Variants in CREB5 observed in about 807,000 individuals in gnomAD.
The protein encoded by CREB5 is cAMP responsive element binding protein 5, also known as cyclic AMP-responsive element-binding protein 5.
Under a neutral mutation model 57.1 loss-of-function variants are expected in CREB5, and 19 were observed. That is an observed-to-expected ratio of 0.33 (90% CI 0.23 to 0.49). The LOEUF (loss-of-function observed/expected upper bound fraction) is 0.49. CREB5 is among the 20% of genes least tolerant of loss of function. The pLI, the probability that CREB5 is intolerant of heterozygous loss-of-function variation, is 0.99. For synonymous variants in CREB5, 238 were observed against 238.3 expected (o/e 1.00, Z 0.01); for missense variants, 579 against 671.6 (o/e 0.86, Z 1.52).
intron 5 of CREB5, among the ~76,000 whole-genome samples, chr7:28,659,877 G>T (rs1187864713): frequency 6.6e-6 from 1 of 152,044 alleles, no homozygotes; most frequent in East Asian, 1.9e-4. Flanking sequence ...AATGACAGTG[G>T]TATCATTATT....
chr7:28,700,264 G>A (rs1443226708), intron 5 of CREB5, among the ~76,000 whole-genome samples: 1 of 152,008 alleles, frequency 6.6e-6, no homozygotes, highest in East Asian at 1.9e-4. Context: ...ATGTTCCCAC[G>A]ATGCAGGGCT....
chr7:28,803,756 A>C (rs1480387232), intron 7 of CREB5, among the ~76,000 whole-genome samples: 2 of 31,420 alleles, frequency 6.4e-5, no homozygotes, highest in Non-Finnish European at 9.8e-5. Flanking sequence ...ACTCCATCTC[A>C]AAAAAAAAAA....
At chr7:28,556,986 C>G (rs1794905470) in intron 4 of CREB5, among the ~76,000 whole-genome samples, 1 of 152,228 alleles carries the variant, frequency 6.6e-6, no homozygotes, top group Non-Finnish European at 1.5e-5. Flanking sequence ...TCTCCTGAGT[C>G]CTGGTAACTT....
At chr7:28,480,665 C>T (rs760174951) in intron 1 of CREB5, among the ~76,000 whole-genome samples, 27 of 152,184 alleles carry the variant, frequency 1.8e-4, no homozygotes, top group Non-Finnish European at 3.5e-4. Context: ...AATCTCTACA[C>T]TTGTATTTTG....
chr7:28,630,143 G>A (rs1015835448), intron 5 of CREB5, among the ~76,000 whole-genome samples: 1 of 152,176 alleles, frequency 6.6e-6, no homozygotes, highest in Non-Finnish European at 1.5e-5. Context: ...TACTTCTATG[G>A]AGCCAGTTAC....
chr7:28,606,251 A>G (rs1052392116), intron 5 of CREB5, among the ~76,000 whole-genome samples: 4 of 152,144 alleles, frequency 2.6e-5, no homozygotes, highest in Non-Finnish European at 5.9e-5. Flanking sequence ...CTACTTAACT[A>G]GAGTTGTTTG....
At chr7:28,347,646 G>C (rs1786088995) in intron 1 of CREB5, among the ~76,000 whole-genome samples, 1 of 152,092 alleles carries the variant, frequency 6.6e-6, no homozygotes, top group African/African-American at 2.4e-5. Flanking sequence ...CCACCCCAGA[G>C]TGTCCAGGTT....
intron 1 of CREB5, among the ~76,000 whole-genome samples, chr7:28,339,806 T>A (rs1432109271): frequency 6.6e-6 from 1 of 152,150 alleles, no homozygotes; most frequent in Non-Finnish European, 1.5e-5. Flanking sequence ...GAAATTTACC[T>A]GGTGTTCTAT....
chr7:28,776,947 T>A (rs184104029), intron 7 of CREB5, among the ~76,000 whole-genome samples: 49 of 152,360 alleles, frequency 3.2e-4, no homozygotes, highest in African/African-American at 1.1e-3. Context: ...CATTCATCAA[T>A]TAATGAACAT....
intron 5 of CREB5, among the ~76,000 whole-genome samples, chr7:28,637,287 C>T (rs1798460184): frequency 6.6e-6 from 1 of 152,088 alleles, no homozygotes; most frequent in Non-Finnish European, 1.5e-5. Context: ...AATTTCTATT[C>T]AATCATTCAT....
chr7:28,693,578 A>G (rs1047913902), intron 5 of CREB5, among the ~76,000 whole-genome samples: 10 of 152,088 alleles, frequency 6.6e-5, no homozygotes, highest in African/African-American at 1.7e-4. Flanking sequence ...AGAGAGGGGA[A>G]GCCTAATTAC....
intron 5 of CREB5, among the ~76,000 whole-genome samples, chr7:28,643,001 C>CACAA (rs1798739278): frequency 7.2e-6 from 1 of 139,248 alleles, no homozygotes; most frequent in Admixed American, 7.0e-5. Context: ...CACACACACA[C>CACAA]ACACACACAC....
At chr7:28,678,270 C>T (rs1163496344) in intron 5 of CREB5, among the ~76,000 whole-genome samples, 1 of 151,848 alleles carries the variant, frequency 6.6e-6, no homozygotes, top group African/African-American at 2.4e-5. Flanking sequence ...CGCCTGTAGC[C>T]CCAGGCACTT....
chr7:28,314,905 A>C (rs1785347408), intron 1 of CREB5, among the ~76,000 whole-genome samples: 1 of 152,248 alleles, frequency 6.6e-6, no homozygotes, highest in Admixed American at 6.5e-5. Flanking sequence ...AGAAAGCCTA[A>C]CAGTAGAGAA....
intron 5 of CREB5, among the ~76,000 whole-genome samples, chr7:28,713,511 T>C (rs1802514613): frequency 6.6e-6 from 1 of 152,242 alleles, no homozygotes; most frequent in African/African-American, 2.4e-5. Flanking sequence ...ATGTTTTAAA[T>C]GCAGTTTTGA....
At chr7:28,397,737 A>C (rs1328952688) in intron 1 of CREB5, among the ~76,000 whole-genome samples, 1 of 152,108 alleles carries the variant, frequency 6.6e-6, no homozygotes, top group Non-Finnish European at 1.5e-5. Flanking sequence ...CAACACCTAA[A>C]CGTGATGACT....
intron 1 of CREB5, among the ~76,000 whole-genome samples, chr7:28,474,490 T>C (rs1259057897): frequency 6.6e-6 from 1 of 152,100 alleles, no homozygotes; most frequent in East Asian, 1.9e-4. Context: ...GGCTGATTGG[T>C]GGTTTGCGAA....
chr7:28,433,238 A>G (rs1788803722), intron 1 of CREB5, among the ~76,000 whole-genome samples: 1 of 152,206 alleles, frequency 6.6e-6, no homozygotes, highest in Non-Finnish European at 1.5e-5. Flanking sequence ...AACAGCTTGT[A>G]CTGATTGCCC....
intron 4 of CREB5, among the ~76,000 whole-genome samples, chr7:28,563,595 G>A (rs536680608): frequency 3.7e-4 from 56 of 152,256 alleles, no homozygotes; most frequent in African/African-American, 1.3e-3. Context: ...GTGCAATCAC[G>A]GCTCACTGCA....
Sources: gnomAD v4.1 joint callset for allele counts (sites outside exome capture counted in the v4.1 genomes callset) on GRCh38, gnomAD v4.1.1 for gene constraint, MANE v1.5 for transcripts, NCBI Gene and HGNC (gene_info 2026-07-23, HGNC 2026-07-21) for gene names.